Variants in ZMYND11 observed in about 807,000 individuals in gnomAD.
ZMYND11 encodes zinc finger MYND domain-containing protein 11.
Under a neutral mutation model 84.9 loss-of-function variants are expected in ZMYND11, and 9 were observed. The ratio of observed to expected loss-of-function variants is 0.11; its 90% CI spans 0.06 to 0.18. ZMYND11 has a LOEUF of 0.18. Ranked by LOEUF, ZMYND11 falls within the 10% of genes least tolerant of loss-of-function variation. The pLI is 1.00. For synonymous variants in ZMYND11, 250 were observed against 244.1 expected (o/e 1.02, Z -0.23); for missense variants, 409 against 761.0 (o/e 0.54, Z 5.44).
rs150122995 is a variant in ZMYND11 at position 177,687 on chromosome 10, T to C, written c.-19-2307T>C. On this transcript the variant is annotated intron_variant, in intron 1 of 14. Transcript: ENST00000381604. ...TTTTACAGCTTTGCTGTATTTTTTA[T>C]AGTTCTGAGCAAATTATTCATATTC... 1.4e-3 allele frequency among the ~76,000 whole-genome samples: 211 copies of C among 152,272 alleles called. 2 individuals carry two copies. The highest frequency in any genetic ancestry group is 4.9e-3 in the African/African-American group (203 of 41,578).
intron 4 of ZMYND11, among the ~76,000 whole-genome samples, chr10:226,262 C>G (rs771935796): frequency 5.3e-5 from 8 of 152,194 alleles, no homozygotes; most frequent in Admixed American, 1.3e-4. Context: ...ATAGCAGACA[C>G]TGCCCTGCAC....
intron 7 of ZMYND11, 76 bp from the exon 8 acceptor site, chr10:239,980 G>GAAAGA (rs2131743321): frequency 7.6e-7 from 1 of 1,318,542 alleles, no homozygotes; most frequent in Admixed American, 2.2e-5. Flanking sequence ...TTTGCAAACT[G>GAAAGA]AAAGAAAAGG....
At chr10:198,006 G>A in intron 2 of ZMYND11, 1 of 606,988 alleles carries the variant, frequency 1.6e-6, no homozygotes, top group Non-Finnish European at 3.0e-6. Context: ...TTATAAACTG[G>A]TAAGTAAGTT....
chr10:159,985 T>C (rs1276248242), intron 1 of ZMYND11, among the ~76,000 whole-genome samples: 1 of 152,234 alleles, frequency 6.6e-6, no homozygotes, highest in Non-Finnish European at 1.5e-5. Context: ...CCTTCTCTTA[T>C]GTAATTGCAT....
chr10:212,700 G>C (rs1412705084), intron 3 of ZMYND11, among the ~76,000 whole-genome samples: 1 of 151,552 alleles, frequency 6.6e-6, no homozygotes. Context: ...TGTATAACCA[G>C]GTACTCAAAG....
At chr10:132,239 C>T (rs1367170259), upstream of ZMYND11, among the ~76,000 whole-genome samples, 1 of 150,546 alleles carries the variant, frequency 6.6e-6, no homozygotes, top group Non-Finnish European at 1.5e-5. Flanking sequence ...TTTGTTCTTT[C>T]GCTCTTCACA....
Position 172,852 on chromosome 10 carries a change from T to C in ZMYND11, c.-19-7142T>C, listed in dbSNP as rs116953528. ...TGACTTAAAGACTTACTGTAAACTT[T>C]AGTGACCAAGACAATGTGGCATTGG... On this transcript the variant is annotated intron_variant, in intron 1 of 14. Transcript: ENST00000381604. Among the ~76,000 whole-genome samples, 188 of 152,302 alleles carry C rather than the reference T, an allele frequency of 1.2e-3. 2 individuals carry two copies. In the East Asian group the frequency reaches 0.03, roughly 24 times the overall value.
chr10:163,334 C>T (rs1180301248), intron 1 of ZMYND11, among the ~76,000 whole-genome samples: 11 of 152,112 alleles, frequency 7.2e-5, no homozygotes, highest in African/African-American at 2.4e-4. Flanking sequence ...TGGGCCCTTT[C>T]TATTTGCAAA....
intron 4 of ZMYND11, among the ~76,000 whole-genome samples, chr10:228,563 T>C (rs755957208): frequency 6.6e-6 from 1 of 152,210 alleles, no homozygotes; most frequent in Non-Finnish European, 1.5e-5. Flanking sequence ...GGAAGGTAGG[T>C]AGTACTTACA....
intron 14 of ZMYND11, chr10:249,413 C>T (rs1011353971): frequency 1.0e-6 from 1 of 985,348 alleles, no homozygotes. Flanking sequence ...CTGACTTTTA[C>T]CTGGTGATTT....
At chr10:151,789 G>A (rs1035540880) in intron 1 of ZMYND11, among the ~76,000 whole-genome samples, 3 of 152,092 alleles carry the variant, frequency 2.0e-5, no homozygotes, top group African/African-American at 7.2e-5. Flanking sequence ...TGAAATGAAG[G>A]AAAAGATGTT....
chr10:134,411 C>T (rs1835440735), upstream of ZMYND11: 1 of 152,320 alleles, frequency 6.6e-6, no homozygotes, highest in South Asian at 2.1e-4. Flanking sequence ...AAACCAGAGT[C>T]TTAAGGGATC....
chr10:177,031 T>G (rs191862054), intron 1 of ZMYND11, among the ~76,000 whole-genome samples: 3 of 152,220 alleles, frequency 2.0e-5, no homozygotes, highest in African/African-American at 4.8e-5. Context: ...CTCAAATTGC[T>G]GTTCTTTTCT....
At chr10:211,133 A>G (rs972823289) in intron 3 of ZMYND11, among the ~76,000 whole-genome samples, 1 of 152,122 alleles carries the variant, frequency 6.6e-6, no homozygotes, top group African/African-American at 2.4e-5. Flanking sequence ...TTAGGGCTGC[A>G]ATGAGCTATG....
At chr10:144,239 G>T (rs1838174991) in intron 1 of ZMYND11, among the ~76,000 whole-genome samples, 1 of 151,884 alleles carries the variant, frequency 6.6e-6, no homozygotes, top group South Asian at 2.1e-4. Context: ...TGTTTTTTAC[G>T]ACAGAATCTT....
At chr10:136,661 T>C (rs563851733) in intron 1 of ZMYND11, among the ~76,000 whole-genome samples, 31 of 152,222 alleles carry the variant, frequency 2.0e-4, no homozygotes, top group African/African-American at 7.0e-4. Flanking sequence ...TAGTATTGAA[T>C]ATATTTACCT....
At chr10:247,776 C>G (rs1952462805) in intron 12 of ZMYND11, among the ~76,000 whole-genome samples, 1 of 152,132 alleles carries the variant, frequency 6.6e-6, no homozygotes, top group African/African-American at 2.4e-5. Flanking sequence ...GATATTTTTC[C>G]TAAGTATGAT....
chr10:198,023 A>C (rs1437282228), intron 2 of ZMYND11: 1 of 596,890 alleles, frequency 1.7e-6, no homozygotes, highest in Admixed American at 2.6e-5. Flanking sequence ...AGTTTTTAAA[A>C]AGTTGGTAAA....
intron 10 of ZMYND11, among the ~76,000 whole-genome samples, chr10:244,188 T>A (rs1041289207): frequency 3.2e-4 from 49 of 152,306 alleles, no homozygotes; most frequent in Admixed American, 2.0e-3. Flanking sequence ...TTTTAAAAAA[T>A]TTGATACAAT....
Sources: gnomAD v4.1 joint callset for allele counts (sites outside exome capture counted in the v4.1 genomes callset) on GRCh38, gnomAD v4.1.1 for gene constraint, MANE v1.5 for transcripts, NCBI Gene and HGNC (gene_info 2026-07-23, HGNC 2026-07-21) for gene names.